The following SUGCT variants were observed in gnomAD, a reference collection of about 807,000 sequenced individuals.
SUGCT encodes succinyl-CoA:glutarate CoA-transferase.
SUGCT carries 41 observed loss-of-function variants against 55.0 expected under a neutral mutation model. That is an observed-to-expected ratio of 0.74 (90% confidence interval 0.58 to 0.97). SUGCT has a LOEUF of 0.97. Among genes scored for constraint, SUGCT ranks in the 50% least tolerant of loss-of-function variants. SUGCT has a pLI of 0.00. For synonymous variants in SUGCT, 187 were observed against 200.4 expected, an observed-to-expected ratio of 0.93 and a Z score of 0.56; for missense variants, 568 against 547.8, an observed-to-expected ratio of 1.04 and a Z score of -0.37.
chr7:40,765,828 C>A (rs1019547092), intron 13 of SUGCT, among the ~76,000 whole-genome samples: 1 of 152,164 alleles, frequency 6.6e-6, no homozygotes, highest in Non-Finnish European at 1.5e-5. Flanking sequence ...AACCAGGGCG[C>A]CTTCTCTCAG....
At chr7:40,867,738 A>G in the SUGCT span, among the ~76,000 whole-genome samples, 1 of 152,210 alleles carries the variant, frequency 6.6e-6, no homozygotes, top group African/African-American at 2.4e-5. Flanking sequence ...ATGTTTGTCT[A>G]TTAAGCCATG....
intron 12 of SUGCT, among the ~76,000 whole-genome samples, chr7:40,627,633 G>T (rs966828016): frequency 1.2e-4 from 18 of 152,212 alleles, no homozygotes; most frequent in African/African-American, 4.3e-4. Flanking sequence ...CTGATTGGTT[G>T]CAAAAAGCAA....
rs182965983 is a variant in SUGCT, at chr7:40,801,804, G to A, written c.1153+52307G>A. Among the ~76,000 whole-genome samples, 288 of 152,004 alleles carry A rather than the reference G, an allele frequency of 1.9e-3. 2 individuals carry two copies. Among genetic ancestry groups the A allele is most frequent in the Middle Eastern group, 6.8e-3 (2 of 294 alleles). On this transcript the variant is annotated intron_variant, in intron 13 of 13. Coordinates refer to ENST00000335693, the MANE Select transcript of SUGCT (RefSeq NM_001193313.2). ...CCCTAAAGATGTTTATGTAATATATGGTTTATCACATGTGCTCAGGCCCTC... is the reference window on the plus strand; with the variant it reads ...CCCTAAAGATGTTTATGTAATATATAGTTTATCACATGTGCTCAGGCCCTC...
At chr7:40,989,260 TA>T in the SUGCT span, among the ~76,000 whole-genome samples, 1 of 152,246 alleles carries the variant, frequency 6.6e-6, no homozygotes, top group Non-Finnish European at 1.5e-5. Context: ...CATAGCATTT[TA>T]CTCACAGTAG....
At chr7:41,007,823 CAAA>C in the SUGCT span, among the ~76,000 whole-genome samples, 729 of 104,290 alleles carry the variant, frequency 7.0e-3, 6 homozygotes, top group African/African-American at 0.025. Flanking sequence ...AACTGAAATC[CAAA>C]AAAAAAAAAA....
intron 11 of SUGCT, among the ~76,000 whole-genome samples, chr7:40,473,821 G>T (rs569358191): frequency 2.6e-4 from 40 of 152,300 alleles, no homozygotes; most frequent in African/African-American, 8.9e-4. Flanking sequence ...TTTGGTGCAT[G>T]GAGTCCAAGG....
Position 40,274,524 on chromosome 7 carries a change from A to T in SUGCT, c.588A>T (p.Pro196=), listed in dbSNP as rs1792330189. The change falls in exon 8 of 14, where the codon CCA becomes CCT. Residue 196 remains proline (P), a synonymous_variant. Transcript: ENST00000335693. ...MHITGPENGD[P]VRPGVAMTDL... ...AACCTTCAAATCAGAATGGAGATCC[A>T]GTTCGCCCAGGAGTAGCTATGACTG... 6.2e-7 allele frequency: 1 copy of T among 1,612,892 alleles called. No homozygotes were observed. Among genetic ancestry groups the T allele is most frequent in the African/African-American group, 1.3e-5 (1 of 75,042 alleles).
intron 13 of SUGCT, among the ~76,000 whole-genome samples, chr7:40,765,651 T>A (rs1163740324): frequency 1.3e-5 from 2 of 152,202 alleles, no homozygotes; most frequent in South Asian, 4.1e-4. Flanking sequence ...TTCTTCTTTA[T>A]CTTTTAAGTT....
intron 1 of SUGCT, chr7:40,153,042 A>AC (rs1788664397): frequency 5.2e-6 from 1 of 191,924 alleles, no homozygotes. Context: ...AAACAAACAA[A>AC]AACAAAGCTC....
chr7:40,324,240 A>ATATATATATATATAT (rs1562681019), intron 9 of SUGCT, among the ~76,000 whole-genome samples: 3 of 51,636 alleles, frequency 5.8e-5, no homozygotes, highest in African/African-American at 1.4e-4. Context: ...TATATAAATA[A>ATATATATATATATAT]ATAAATAAAT....
chr7:40,612,205 G>T (rs552925628), intron 12 of SUGCT, among the ~76,000 whole-genome samples: 3 of 152,206 alleles, frequency 2.0e-5, no homozygotes, highest in Admixed American at 6.5e-5. Flanking sequence ...GGTAATATTA[G>T]ATAACAGTCT....
At chr7:40,185,686 C>T (rs1785463981) in intron 3 of SUGCT, among the ~76,000 whole-genome samples, 1 of 152,134 alleles carries the variant, frequency 6.6e-6, no homozygotes, top group South Asian at 2.1e-4. Context: ...TCACCCCCGG[C>T]TAATTTTTTT....
intron 9 of SUGCT, among the ~76,000 whole-genome samples, chr7:40,392,517 A>G (rs1480446246): frequency 6.6e-6 from 1 of 152,074 alleles, no homozygotes; most frequent in African/African-American, 2.4e-5. Context: ...TATTATTGTT[A>G]CTTGTTACTA....
chr7:40,688,379 C>A (rs1445942409), intron 12 of SUGCT, among the ~76,000 whole-genome samples: 1 of 152,110 alleles, frequency 6.6e-6, no homozygotes, highest in Non-Finnish European at 1.5e-5. Flanking sequence ...AAATTACAAT[C>A]CAAGTCTTGT....
chr7:40,379,894 T>G (rs986247185), intron 9 of SUGCT, among the ~76,000 whole-genome samples: 3 of 152,212 alleles, frequency 2.0e-5, no homozygotes, highest in African/African-American at 7.2e-5. Flanking sequence ...TGGTAGCTTC[T>G]CAAAGCTCCT....
At chr7:40,972,264 T>C in the SUGCT span, among the ~76,000 whole-genome samples, 1 of 152,212 alleles carries the variant, frequency 6.6e-6, no homozygotes, top group Non-Finnish European at 1.5e-5. Flanking sequence ...AATTTCTCCT[T>C]AGAAGACAGT....
At chr7:41,021,243 T>C in the SUGCT span, among the ~76,000 whole-genome samples, 1 of 152,086 alleles carries the variant, frequency 6.6e-6, no homozygotes, top group Non-Finnish European at 1.5e-5. Flanking sequence ...AACTCAGAAA[T>C]CCACATGGAA....
At chr7:40,407,645 C>T (rs1349605890) in intron 9 of SUGCT, among the ~76,000 whole-genome samples, 6 of 151,978 alleles carry the variant, frequency 3.9e-5, no homozygotes, top group African/African-American at 1.2e-4. Flanking sequence ...GATCTTCCCT[C>T]GTTCTATTTT....
intron 1 of SUGCT, among the ~76,000 whole-genome samples, chr7:40,172,440 G>A (rs759794894): frequency 6.6e-6 from 1 of 152,110 alleles, no homozygotes; most frequent in African/African-American, 2.4e-5. Context: ...ACAGCGTAGC[G>A]CTTCCTTAGA....
Sources: gnomAD v4.1 joint callset for allele counts (sites outside exome capture counted in the v4.1 genomes callset) on GRCh38, gnomAD v4.1.1 for gene constraint, MANE v1.5 for transcripts, NCBI Gene and HGNC (gene_info 2026-07-23, HGNC 2026-07-21) for gene names.